BCAR1: variants seen among roughly 807,000 people sequenced by gnomAD.
BCAR1 encodes the protein BCAR1 scaffold protein, Cas family member, also known as breast cancer anti-estrogen resistance protein 1.
In BCAR1, 30 loss-of-function variants were observed where a neutral mutation model predicts 67.6. That is an observed-to-expected ratio of 0.44 (90% confidence interval 0.33 to 0.60). The LOEUF is 0.60. Ranked by LOEUF, BCAR1 falls within the 20% of genes least tolerant of loss-of-function variation. BCAR1 has a pLI of 0.02. For synonymous variants in BCAR1, 626 were observed against 556.7 expected (o/e 1.12, Z -1.75); for missense variants, 1,313 against 1,222.3 (o/e 1.07, Z -1.11).
At chr16:75,252,290 G>A, upstream of BCAR1, 5 of 1,536,668 alleles carry the variant, frequency 3.3e-6, no homozygotes, top group Non-Finnish European at 4.4e-6. Context: ...CAGCTGATCT[G>A]CCTCCTCTCA....
intron 6 of BCAR1, among the ~76,000 whole-genome samples, chr16:75,230,529 G>A (rs149269294): frequency 9.3e-4 from 142 of 152,250 alleles, no homozygotes; most frequent in African/African-American, 3.2e-3. Flanking sequence ...CAGAAAAAAC[G>A]AAGATGTCAC....
chr16:75,248,065 T>C (rs2077573089), intron 1 of BCAR1: 1 of 1,559,874 alleles, frequency 6.4e-7, no homozygotes, highest in Non-Finnish European at 8.7e-7. Context: ...TCCATCTTAC[T>C]AGACAGGAAA....
At position 75,229,785 on chromosome 16, in the gene BCAR1, G is replaced by T. The variant is rs766405948; in HGVS notation, c.2339C>A (p.Ala780Glu). 6.2e-7 allele frequency: 1 copy of T among 1,613,428 alleles called. No individual in the cohort carries two copies. The highest frequency in any genetic ancestry group is 8.5e-7 in the Non-Finnish European group (1 of 1,180,024). ...ATNQPPKIFV[A>E]HSKFVILSAH... ...GCTGAGGATGACGAACTTGCTGTGC[G>T]CCACAAAGATCTTGGGCGGCTGGTT... The change falls in exon 7 of 7, where the codon GCG (alanine) becomes GAG (glutamate). Residue 780 changes from alanine (A) to glutamate (E), a missense_variant. Transcript: ENST00000162330.
At chr16:75,266,522 G>T in intron 1 of BCAR1, 1 of 396,886 alleles carries the variant, frequency 2.5e-6, no homozygotes, top group Non-Finnish European at 4.4e-6. Context: ...ACGAGCCTTC[G>T]TGGGCCTGAG....
At chr16:75,260,633 CA>C (rs59667747) in intron 1 of BCAR1, among the ~76,000 whole-genome samples, 74,700 of 117,822 alleles carry the variant, frequency 0.63, 21,246 homozygotes, top group East Asian at 0.88. Context: ...GACTCCATCT[CA>C]AAAAAAAAAA....
At chr16:75,232,200 G>T (rs533369162) in intron 6 of BCAR1, among the ~76,000 whole-genome samples, 2 of 151,138 alleles carry the variant, frequency 1.3e-5, no homozygotes, top group African/African-American at 4.9e-5. Context: ...TCACCCTGTC[G>T]CCCAGGCTGG....
rs1168537071 is a variant in BCAR1, at chr16:75,229,470, C to A, written c.*41G>T. On this transcript the variant is annotated 3_prime_UTR_variant, in exon 7 of 7. Coordinates refer to ENST00000162330, the MANE Select transcript of BCAR1 (RefSeq NM_014567.5). ...GACATGGGAGCCAGGGAGCTGGGAC[C>A]GCCGCACCCCTCCCCTGCCTCCCTC... is the stretch of plus-strand genomic sequence containing the variant. 4 of 1,478,250 alleles carry A rather than the reference C, an allele frequency of 2.7e-6. No homozygotes were observed. In the African/African-American group the frequency reaches 5.6e-5, roughly 21 times the overall value. The allele number at this position is 1,478,250 out of a possible 1,614,324, so 91.6% of individuals were successfully genotyped here. A position where few individuals can be genotyped will look rare whatever the true frequency, so the allele number is the denominator to read the frequency against.
upstream of BCAR1, chr16:75,252,212 C>A (rs1313246478): frequency 2.6e-6 from 4 of 1,536,592 alleles, no homozygotes; most frequent in Non-Finnish European, 2.6e-6. Flanking sequence ...CTCGACCCAG[C>A]GCTTTTCACG....
At chr16:75,252,093 G>T (rs919975799), upstream of BCAR1, 92 of 1,143,026 alleles carry the variant, frequency 8.0e-5, 1 homozygote, top group East Asian at 2.3e-3. Flanking sequence ...GAGGGGGCGT[G>T]CCCCAGCCTG....
At chr16:75,267,924 G>A (rs895402541) in exon 1 of BCAR1, 3 of 1,602,474 alleles carry the variant, frequency 1.9e-6, no homozygotes, top group Non-Finnish European at 1.7e-6. Flanking sequence ...CTCTGAGGCA[G>A]GGATCCTTGG....
intron 1 of BCAR1, among the ~76,000 whole-genome samples, chr16:75,257,038 T>C (rs1208090989): frequency 6.6e-6 from 1 of 152,090 alleles, no homozygotes; most frequent in Non-Finnish European, 1.5e-5. Context: ...AGGGGCTCAG[T>C]CCTGGCTGGA....
At chr16:75,232,792 A>AC (rs943021050) in intron 6 of BCAR1, among the ~76,000 whole-genome samples, 167 of 152,010 alleles carry the variant, frequency 1.1e-3, no homozygotes, top group African/African-American at 3.8e-3. Flanking sequence ...AGTGATTCTC[A>AC]CCGAGCTCTC....
chr16:75,265,947 C>G (rs966526278), intron 1 of BCAR1: 1 of 1,084,372 alleles, frequency 9.2e-7, no homozygotes, highest in Non-Finnish European at 1.1e-6. Context: ...TTTCCGGCTC[C>G]TCCGGCTCCT....
chr16:75,252,537 C>T (rs2077702582), upstream of BCAR1: 8 of 887,474 alleles, frequency 9.0e-6, no homozygotes, highest in Non-Finnish European at 1.3e-5. Context: ...GGTGCCAGAG[C>T]CCCTGGGCCA....
chr16:75,263,654 T>TC (rs2151484173), intron 1 of BCAR1: 1 of 985,260 alleles, frequency 1.0e-6, no homozygotes, highest in African/African-American at 1.7e-5. Context: ...TCCCCTCCCA[T>TC]CCCCTTCTGA....
At chr16:75,255,894 G>A (rs907005181), upstream of BCAR1, among the ~76,000 whole-genome samples, 14 of 152,230 alleles carry the variant, frequency 9.2e-5, no homozygotes, top group Non-Finnish European at 1.8e-4. Flanking sequence ...AGGAGGCTGA[G>A]GCTGGAGAAT....
At chr16:75,266,621 C>T in intron 1 of BCAR1, 3 of 883,892 alleles carry the variant, frequency 3.4e-6, no homozygotes, top group Non-Finnish European at 4.5e-6. Flanking sequence ...CCACTGGGCA[C>T]GTGCATGTTC....
chr16:75,248,039 A>T (rs1400466244), intron 1 of BCAR1: 24 of 1,458,934 alleles, frequency 1.6e-5, no homozygotes, highest in East Asian at 2.3e-5. Flanking sequence ...AAACAACCCC[A>T]TAAGACACGA....
chr16:75,234,536 C>A (rs1370343130), intron 5 of BCAR1, among the ~76,000 whole-genome samples: 2 of 152,204 alleles, frequency 1.3e-5, no homozygotes, highest in South Asian at 2.1e-4. Context: ...GGCCTCTGCT[C>A]CAGGGGCCAG....
Sources: allele counts gnomAD v4.1 joint callset (sites outside exome capture counted in the v4.1 genomes callset), GRCh38; gene constraint gnomAD v4.1.1; transcripts MANE v1.5; gene names NCBI Gene and HGNC (gene_info 2026-07-23, HGNC 2026-07-21).